The following LARGE1 variants were observed in gnomAD, a reference collection of about 807,000 sequenced individuals.
LARGE1 encodes xylosyl- and glucuronyltransferase LARGE1.
Under a neutral mutation model 87.6 loss-of-function variants are expected in LARGE1, and 43 were observed. The ratio of observed to expected loss-of-function variants is 0.49; its 90% confidence interval spans 0.38 to 0.63. The LOEUF (loss-of-function observed/expected upper bound fraction) is 0.63. Among genes scored for constraint, LARGE1 ranks in the 30% least tolerant of loss-of-function variants. LARGE1 has a pLI of 0.00. For synonymous variants in LARGE1, 434 were observed against 394.6 expected (o/e 1.10, Z -1.18); for missense variants, 802 against 1,000.2 (o/e 0.80, Z 2.67).
At chr22:33,504,922 A>T (rs2070693041) in intron 6 of LARGE1, among the ~76,000 whole-genome samples, 1 of 152,238 alleles carries the variant, frequency 6.6e-6, no homozygotes, top group South Asian at 2.1e-4. Flanking sequence ...GTATTGCTAA[A>T]GTGTATAGCA....
chr22:33,609,812 T>C (rs1240496022), intron 4 of LARGE1, among the ~76,000 whole-genome samples: 1 of 152,116 alleles, frequency 6.6e-6, no homozygotes, highest in Non-Finnish European at 1.5e-5. Context: ...GTCCTCATGA[T>C]GTGAATTTTC....
intron 11 of LARGE1, among the ~76,000 whole-genome samples, chr22:33,209,890 C>T (rs1324008807): frequency 6.6e-6 from 1 of 152,190 alleles, no homozygotes; most frequent in Non-Finnish European, 1.5e-5. Context: ...CTCAAGGGAT[C>T]CTCCCACTTC....
At chr22:33,294,039 C>A (rs1279750842) in intron 12 of LARGE1, among the ~76,000 whole-genome samples, 1 of 152,234 alleles carries the variant, frequency 6.6e-6, no homozygotes, top group East Asian at 1.9e-4. Flanking sequence ...TCTACTCTCT[C>A]TTTTCTCACC....
At chr22:33,312,649 T>C (rs1443278448) in intron 11 of LARGE1, among the ~76,000 whole-genome samples, 1 of 152,140 alleles carries the variant, frequency 6.6e-6, no homozygotes, top group Non-Finnish European at 1.5e-5. Flanking sequence ...GAATGCATTA[T>C]CAGGAGGCCT....
In LARGE1 at chr22:33,587,545, C is replaced by T. The variant is rs541833642; in HGVS notation, c.615+16890G>A. 1.7e-4 allele frequency among the ~76,000 whole-genome samples: 26 copies of T among 152,174 alleles called. 1 individual carries two copies. In the South Asian group the frequency reaches 5.4e-3, roughly 32 times the overall value. ...CGAGTTCCCTTATTCTTATTCTTTA[C>T]CCATTTTTCTGCGAGTCTGTATTTC... On this transcript the variant is annotated intron_variant, in intron 5 of 14. Transcript: ENST00000397394.
chr22:33,920,704 G>A (rs1278405578), upstream of LARGE1, among the ~76,000 whole-genome samples: 150 of 145,516 alleles, frequency 1.0e-3, no homozygotes, highest in Non-Finnish European at 1.7e-3. Context: ...CGGTGGGTGC[G>A]GGGAGCCGAG....
At chr22:33,720,565 A>G (rs78677019) in intron 2 of LARGE1, among the ~76,000 whole-genome samples, 2,320 of 152,346 alleles carry the variant, frequency 0.015, 59 homozygotes, top group African/African-American at 0.053. Flanking sequence ...TGACTATACT[A>G]CAAAAGTACT....
At chr22:33,638,077 A>G (rs1397343306) in intron 3 of LARGE1, among the ~76,000 whole-genome samples, 1 of 152,202 alleles carries the variant, frequency 6.6e-6, no homozygotes, top group Non-Finnish European at 1.5e-5. Flanking sequence ...GAAGCCCCAA[A>G]GAAGGCCTAT....
At chr22:33,211,281 T>C (rs926823175) in intron 11 of LARGE1, among the ~76,000 whole-genome samples, 1 of 152,154 alleles carries the variant, frequency 6.6e-6, no homozygotes, top group Non-Finnish European at 1.5e-5. Flanking sequence ...CAATTCATAA[T>C]GCTACAAGTG....
intron 11 of LARGE1, among the ~76,000 whole-genome samples, chr22:33,263,344 G>A (rs529966226): frequency 1.1e-3 from 169 of 152,306 alleles, no homozygotes; most frequent in Non-Finnish European, 1.6e-3. Flanking sequence ...GGGATATCAC[G>A]CATGTGATTA....
rs371130207 is a variant in LARGE1 at position 33,799,557 on chromosome 22, C to T, written c.-82-37999G>A. Among the ~76,000 whole-genome samples the T allele has an allele frequency of 2.7e-4, 41 of 152,256 alleles. No homozygotes were observed. In the East Asian group the frequency reaches 6.8e-3, roughly 25 times the overall value. ...CTGGGTTCAAGCGATTCTCCTGCCT[C>T]AGCTGCCCAGGTAGCTGGGATTACA... is the stretch of plus-strand genomic sequence containing the variant. On this transcript the variant is annotated intron_variant, in intron 1 of 14. Transcript: ENST00000397394.
chr22:33,076,408 G>A, the LARGE1 span, among the ~76,000 whole-genome samples: 1 of 152,112 alleles, frequency 6.6e-6, no homozygotes, highest in Non-Finnish European at 1.5e-5. Context: ...CCTTGTGGAT[G>A]CAATTTTCAT....
At chr22:33,546,633 G>A (rs1284046467) in intron 6 of LARGE1, among the ~76,000 whole-genome samples, 3 of 152,056 alleles carry the variant, frequency 2.0e-5, no homozygotes, top group African/African-American at 4.8e-5. Flanking sequence ...CACCCAGGCG[G>A]GAGTGCAATG....
intron 2 of LARGE1, among the ~76,000 whole-genome samples, chr22:33,704,276 G>A (rs2082490106): frequency 6.6e-6 from 1 of 152,184 alleles, no homozygotes; most frequent in Admixed American, 6.5e-5. Flanking sequence ...GTATCTGCAG[G>A]GCTGTGACCC....
chr22:33,859,958 C>T (rs985961981), intron 1 of LARGE1, among the ~76,000 whole-genome samples: 2 of 152,018 alleles, frequency 1.3e-5, no homozygotes, highest in African/African-American at 4.8e-5. Context: ...TTGCCAGGGG[C>T]TGGGAGGAGG....
intron 11 of LARGE1, among the ~76,000 whole-genome samples, chr22:33,214,951 G>A (rs372722088): frequency 1.3e-5 from 2 of 152,198 alleles, no homozygotes; most frequent in South Asian, 2.1e-4. Context: ...AAGGTCCCAC[G>A]AGCACCCTGG....
intron 6 of LARGE1, among the ~76,000 whole-genome samples, chr22:33,440,412 A>G (rs1454281194): frequency 7.2e-5 from 11 of 152,180 alleles, no homozygotes; most frequent in African/African-American, 2.7e-4. Flanking sequence ...TCCTGGGCAC[A>G]CAGAGGAAGT....
chr22:33,814,722 ATATG>A (rs1365610467), intron 1 of LARGE1, among the ~76,000 whole-genome samples: 4 of 51,704 alleles, frequency 7.7e-5, no homozygotes, highest in Middle Eastern at 9.4e-3. Context: ...AAATCAAGGT[ATATG>A]TGTGTGTGTG....
chr22:33,193,902 T>TTATATATTATATATGTTA (rs1923926986), intron 11 of LARGE1, among the ~76,000 whole-genome samples: 1 of 142,158 alleles, frequency 7.0e-6, no homozygotes, highest in Admixed American at 7.3e-5. Flanking sequence ...TATATATGTT[T>TTATATATTATATATGTTA]TATATATTAT....
Sources: gnomAD v4.1 joint callset for allele counts (sites outside exome capture counted in the v4.1 genomes callset) on GRCh38, gnomAD v4.1.1 for gene constraint, MANE v1.5 for transcripts, NCBI Gene and HGNC (gene_info 2026-07-23, HGNC 2026-07-21) for gene names.